ZC3H12B: variants seen among roughly 807,000 people sequenced by gnomAD.
ZC3H12B encodes the protein probable ribonuclease ZC3H12B.
A neutral mutation model predicts 43.9 loss-of-function variants in ZC3H12B; 7 were observed. The observed-to-expected ratio is 0.16, with a 90% confidence interval of 0.09 to 0.30. The LOEUF is 0.30. Ranked by LOEUF, ZC3H12B falls within the 10% of genes least tolerant of loss-of-function variation. The pLI is 1.00. For synonymous variants in ZC3H12B, 222 were observed against 241.7 expected (o/e 0.92, Z 0.76); for missense variants, 475 against 670.2 (o/e 0.71, Z 3.22).
chrX:65,146,003 G>T, the ZC3H12B span, among the ~76,000 whole-genome samples: 1 of 111,469 alleles, frequency 9.0e-6, no homozygotes. Flanking sequence ...TGTTCTTTGT[G>T]CTTCTTGTAT....
chrX:65,158,143 G>A, the ZC3H12B span, among the ~76,000 whole-genome samples: 2 of 108,777 alleles, frequency 1.8e-5, no homozygotes, highest in Non-Finnish European at 3.8e-5. Context: ...TGGTGTATAT[G>A]TGCCACATTT....
chrX:65,270,170 G>C, the ZC3H12B span, among the ~76,000 whole-genome samples: 1 of 111,526 alleles, frequency 9.0e-6, no homozygotes. Context: ...TATGGTACTG[G>C]CATAAAAACA....
At chrX:65,262,290 T>C in the ZC3H12B span, among the ~76,000 whole-genome samples, 2 of 111,139 alleles carry the variant, frequency 1.8e-5, no homozygotes, top group Non-Finnish European at 3.8e-5. Flanking sequence ...TTAAGTTAGG[T>C]TACTAAGTTG....
chrX:65,164,741 A>G, the ZC3H12B span, among the ~76,000 whole-genome samples: 1 of 111,867 alleles, frequency 8.9e-6, no homozygotes, highest in Admixed American at 9.6e-5. Flanking sequence ...TCTATCATAA[A>G]GAGTTTTCAG....
the ZC3H12B span, among the ~76,000 whole-genome samples, chrX:65,158,589 C>T: frequency 4.5e-5 from 5 of 111,786 alleles, no homozygotes; most frequent in South Asian, 1.9e-3. Context: ...AGTGTCTGTT[C>T]GTGTCCTTCA....
chrX:65,399,271 C>G (rs1349735166), intron 3 of ZC3H12B, among the ~76,000 whole-genome samples: 2 of 112,161 alleles, frequency 1.8e-5, no homozygotes, highest in African/African-American at 6.5e-5. Flanking sequence ...TATTTGCAAA[C>G]TATTCATATG....
At chrX:65,199,615 G>T in the ZC3H12B span, among the ~76,000 whole-genome samples, 3 of 110,071 alleles carry the variant, frequency 2.7e-5, no homozygotes, top group African/African-American at 9.9e-5. Flanking sequence ...TCCCCCAACA[G>T]GTCCCAGTCT....
chrX:65,211,132 C>A, the ZC3H12B span, among the ~76,000 whole-genome samples: 13 of 101,337 alleles, frequency 1.3e-4, no homozygotes, highest in East Asian at 3.0e-4. Context: ...CTGTTCATAT[C>A]CTTTGCCCAC....
chrX:65,148,151 C>T, the ZC3H12B span, among the ~76,000 whole-genome samples: 1 of 111,264 alleles, frequency 9.0e-6, no homozygotes, highest in African/African-American at 3.3e-5. Context: ...CTTATATCCA[C>T]AGGTGCCAGC....
At chrX:65,091,181 CAGA>C in the ZC3H12B span, among the ~76,000 whole-genome samples, 7,555 of 111,392 alleles carry the variant, frequency 0.068, 629 homozygotes, top group African/African-American at 0.22. Flanking sequence ...AAGAGGGAGA[CAGA>C]AGGAGATGTG....
Position 65,398,619 on chromosome X carries a change from A to T in ZC3H12B, n.322A>T, listed in dbSNP as rs2066728700. 1 of 111,797 alleles carries T rather than the reference A, an allele frequency of 8.9e-6. No individual in the cohort carries two copies. Among genetic ancestry groups the T allele is most frequent in the African/African-American group, 3.2e-5 (1 of 30,775 alleles). The allele number at this position is 111,797 out of a possible 1,213,427, so 9.2% of individuals were successfully genotyped here. A position where few individuals can be genotyped will look rare whatever the true frequency, so the allele number is the denominator to read the frequency against. On this transcript the variant is annotated non_coding_transcript_exon_variant, in exon 3 of 6. The change abolishes an upstream ATG in the 5' untranslated region. Transcript: ENST00000617377. ...TGTGCATGCTTCCAACATTGTGAAG[A>T]TGTGTGTGCTTTCCAGTCACCTTCC...
chrX:65,230,816 A>G, the ZC3H12B span, among the ~76,000 whole-genome samples: 3 of 111,534 alleles, frequency 2.7e-5, no homozygotes, highest in Non-Finnish European at 5.6e-5. Context: ...AAAGGATGCT[A>G]ATGAACATCA....
At chrX:65,132,209 G>C in the ZC3H12B span, among the ~76,000 whole-genome samples, 2 of 111,822 alleles carry the variant, frequency 1.8e-5, no homozygotes, top group Non-Finnish European at 3.8e-5. Flanking sequence ...GCAACACAGG[G>C]TGGATAGGCA....
chrX:65,057,816 G>A, the ZC3H12B span, among the ~76,000 whole-genome samples: 19 of 111,081 alleles, frequency 1.7e-4, no homozygotes, highest in East Asian at 2.3e-3. Flanking sequence ...TTCCCTTCTC[G>A]CTTCATTTCA....
intron 2 of ZC3H12B, among the ~76,000 whole-genome samples, chrX:65,370,107 G>T (rs1447478193): frequency 1.8e-5 from 2 of 111,799 alleles, no homozygotes; most frequent in Non-Finnish European, 3.8e-5. Flanking sequence ...AGAAGAGGAA[G>T]AAAAAAAGTA....
chrX:65,101,019 A>G, the ZC3H12B span, among the ~76,000 whole-genome samples: 1 of 111,896 alleles, frequency 8.9e-6, no homozygotes, highest in African/African-American at 3.2e-5. Flanking sequence ...AGCAAATTCA[A>G]AAGAATGGAA....
At chrX:65,466,101 C>T (rs1406693692) in intron 3 of ZC3H12B, among the ~76,000 whole-genome samples, 1 of 110,342 alleles carries the variant, frequency 9.1e-6, no homozygotes, top group Non-Finnish European at 1.9e-5. Flanking sequence ...ATCACCAGAA[C>T]TTATTTATCT....
the ZC3H12B span, among the ~76,000 whole-genome samples, chrX:65,175,418 G>T: frequency 4.5e-5 from 5 of 110,923 alleles, no homozygotes; most frequent in Non-Finnish European, 7.6e-5. Context: ...AAACATTTTT[G>T]ATTGCTACAT....
intron 2 of ZC3H12B, 67 bp downstream of exon 7, chrX:65,497,338 T>A: frequency 1.0e-6 from 1 of 997,410 alleles, no homozygotes; most frequent in Non-Finnish European, 1.3e-6. Context: ...TTGGGGATGG[T>A]CCCAATTTAG....
Sources: allele counts gnomAD v4.1 joint callset (sites outside exome capture counted in the v4.1 genomes callset), GRCh38; gene constraint gnomAD v4.1.1; transcripts MANE v1.5; gene names NCBI Gene and HGNC (gene_info 2026-07-23, HGNC 2026-07-21).